ADGRL2: variants seen among roughly 807,000 people sequenced by gnomAD.
ADGRL2 encodes the protein calcium-independent alpha-latrotoxin receptor 2.
ADGRL2 carries 44 observed loss-of-function variants against 157.4 expected under a neutral mutation model. The observed-to-expected ratio is 0.28, with a 90% CI of 0.22 to 0.36. ADGRL2 has a LOEUF of 0.36. Among genes scored for constraint, ADGRL2 ranks in the 10% least tolerant of loss-of-function variants. The pLI, the probability that ADGRL2 is intolerant of heterozygous loss-of-function variation, is 1.00. For missense variants in ADGRL2, 1,510 were observed against 1,768.9 expected, an observed-to-expected ratio of 0.85 and a Z score of 2.63; for synonymous variants, 585 against 624.7, an observed-to-expected ratio of 0.94 and a Z score of 0.95.
intron 3 of ADGRL2, among the ~76,000 whole-genome samples, chr1:81,624,752 C>A (rs762494067): frequency 4.6e-5 from 7 of 152,178 alleles, no homozygotes; most frequent in Non-Finnish European, 1.0e-4. Context: ...AACTGTATAA[C>A]CTTGAAATCC....
chr1:81,586,912 A>C (rs560314011), intron 3 of ADGRL2, among the ~76,000 whole-genome samples: 1 of 152,166 alleles, frequency 6.6e-6, no homozygotes, highest in South Asian at 2.1e-4. Context: ...AATGTATTTG[A>C]GTGCATAGAG....
At chr1:81,798,710 A>G (rs2087716165), upstream of ADGRL2, among the ~76,000 whole-genome samples, 1 of 152,202 alleles carries the variant, frequency 6.6e-6, no homozygotes, top group African/African-American at 2.4e-5. Context: ...TGTCAAATAT[A>G]TCATGCAGAT....
chr1:81,679,573 T>C (rs2083066240), intron 3 of ADGRL2, among the ~76,000 whole-genome samples: 1 of 152,206 alleles, frequency 6.6e-6, no homozygotes, highest in African/African-American at 2.4e-5. Flanking sequence ...TCCACACCAG[T>C]GCTTTGCACA....
chr1:81,355,332 C>A (rs909221317), intron 1 of ADGRL2, among the ~76,000 whole-genome samples: 1 of 152,030 alleles, frequency 6.6e-6, no homozygotes, highest in Non-Finnish European at 1.5e-5. Context: ...GCACTCCAGC[C>A]TGGGTGACAG....
chr1:81,712,009 A>T (rs1432221031), intron 1 of ADGRL2, among the ~76,000 whole-genome samples: 3 of 152,208 alleles, frequency 2.0e-5, no homozygotes, highest in African/African-American at 7.2e-5. Flanking sequence ...AAGGACACCC[A>T]AGTGTCCGCC....
At chr1:81,836,777 A>G (rs891771612) in intron 1 of ADGRL2, 108 bp from the exon 2 acceptor site, 2 of 428,118 alleles carry the variant, frequency 4.7e-6, no homozygotes, top group Non-Finnish European at 8.2e-6. Context: ...TGGACATAGA[A>G]TCAAAATATG....
intron 2 of ADGRL2, among the ~76,000 whole-genome samples, chr1:81,560,836 G>A (rs1241271072): frequency 6.6e-6 from 1 of 151,970 alleles, no homozygotes; most frequent in African/African-American, 2.4e-5. Context: ...TCTGCACCAC[G>A]GCCCGGTCCT....
intron 3 of ADGRL2, among the ~76,000 whole-genome samples, chr1:81,687,484 G>T (rs917983724): frequency 2.0e-5 from 3 of 152,112 alleles, no homozygotes; most frequent in Non-Finnish European, 4.4e-5. Context: ...TGGTGTCCAT[G>T]TGCATGAAAT....
intron 2 of ADGRL2, among the ~76,000 whole-genome samples, chr1:81,883,824 T>A (rs576607059): frequency 9.8e-5 from 15 of 152,298 alleles, no homozygotes; most frequent in Middle Eastern, 6.8e-3. Context: ...TGTCTTCCTT[T>A]ATCAGTTTTA....
intron 1 of ADGRL2, among the ~76,000 whole-genome samples, chr1:81,718,431 G>A (rs1047284023): frequency 2.0e-5 from 3 of 151,796 alleles, no homozygotes; most frequent in African/African-American, 4.8e-5. Flanking sequence ...GCAATAACCT[G>A]TAGAGCTATG....
intron 2 of ADGRL2, among the ~76,000 whole-genome samples, chr1:81,775,155 G>T (rs537282348): frequency 6.6e-6 from 1 of 152,028 alleles, no homozygotes; most frequent in Non-Finnish European, 1.5e-5. Context: ...ATTTTATCTG[G>T]TCCCCCATAT....
intron 3 of ADGRL2, among the ~76,000 whole-genome samples, chr1:81,583,099 A>G (rs1220538288): frequency 6.6e-6 from 1 of 152,216 alleles, no homozygotes; most frequent in Non-Finnish European, 1.5e-5. Context: ...ATACAAAAGA[A>G]AAAACTATTG....
rs764039251 is a variant in ADGRL2, at chr1:81,343,087, C to CTTTTTTTTTTTTTTTTTTTT, written c.-302+36582_-302+36583insTTTTTTTTTTTTTTTTTTTT. 5.3e-4 allele frequency among the ~76,000 whole-genome samples: 67 copies of CTTTTTTTTTTTTTTTTTTTT among 127,488 alleles called. 1 individual carries two copies. Among genetic ancestry groups the CTTTTTTTTTTTTTTTTTTTT allele is most frequent in the Non-Finnish European group, 6.3e-4 (38 of 60,074 alleles). The allele number at this position is 127,488 out of a possible 152,430, so 83.6% of individuals were successfully genotyped here. ...TTTTTCTTTTCTTTTTTTCTTTTTT[C>CTTTTTTTTTTTTTTTTTTTT]TTTTCTTTTTTTTTTTTTTGAGACA... On this transcript the variant is annotated intron_variant, in intron 1 of 24. Coordinates refer to the ADGRL2 transcript ENST00000370721.
intron 3 of ADGRL2, among the ~76,000 whole-genome samples, chr1:81,680,019 A>C (rs1481934232): frequency 2.0e-5 from 3 of 152,198 alleles, no homozygotes; most frequent in African/African-American, 4.8e-5. Flanking sequence ...ATGCAGCCCC[A>C]AAAAACATGT....
At chr1:81,954,923 T>C (rs1653002586) in intron 10 of ADGRL2, among the ~76,000 whole-genome samples, 1 of 152,226 alleles carries the variant, frequency 6.6e-6, no homozygotes, top group Non-Finnish European at 1.5e-5. Flanking sequence ...ATCAGAACTA[T>C]GTGTTTATGG....
At chr1:81,561,411 T>C (rs1346445843) in intron 2 of ADGRL2, among the ~76,000 whole-genome samples, 1 of 149,684 alleles carries the variant, frequency 6.7e-6, no homozygotes, top group Non-Finnish European at 1.5e-5. Flanking sequence ...TTTTTTTCTT[T>C]CAATTTTTTG....
chr1:81,558,579 CT>C (rs1249442228), intron 2 of ADGRL2, among the ~76,000 whole-genome samples: 1 of 152,022 alleles, frequency 6.6e-6, no homozygotes, highest in African/African-American at 2.4e-5. Flanking sequence ...TTCATGCAAC[CT>C]TTCAGCTCCA....
upstream of ADGRL2, among the ~76,000 whole-genome samples, chr1:81,798,548 T>C (rs187135262): frequency 3.9e-4 from 59 of 152,250 alleles, no homozygotes; most frequent in Admixed American, 7.2e-4. Context: ...GAAATAAGAT[T>C]TGAAACTTCT....
chr1:81,495,871 C>T (rs1403146733), intron 2 of ADGRL2, among the ~76,000 whole-genome samples: 1 of 152,142 alleles, frequency 6.6e-6, no homozygotes, highest in East Asian at 1.9e-4. Context: ...TTCTCCTGTA[C>T]AGTTTCTAGA....
Sources: gnomAD v4.1 joint callset for allele counts (sites outside exome capture counted in the v4.1 genomes callset) on GRCh38, gnomAD v4.1.1 for gene constraint, MANE v1.5 for transcripts, NCBI Gene and HGNC (gene_info 2026-07-23, HGNC 2026-07-21) for gene names.